The following ME3 variants were observed in gnomAD, a reference collection of about 807,000 sequenced individuals.
The protein encoded by ME3 is NADP-dependent malic enzyme, mitochondrial.
ME3 carries 48 observed loss-of-function variants against 68.9 expected under a neutral mutation model. The ratio of observed to expected loss-of-function variants is 0.70; its 90% CI spans 0.55 to 0.89. ME3 has a LOEUF of 0.89. ME3 is among the 40% of genes least tolerant of loss of function. ME3 has a pLI of 0.00. For synonymous variants in ME3, 320 were observed against 318.8 expected (o/e 1.00, Z -0.04); for missense variants, 675 against 797.4 (o/e 0.85, Z 1.85).
chr11:86,662,149 A>C (rs1442765838), intron 2 of ME3, among the ~76,000 whole-genome samples: 2 of 152,236 alleles, frequency 1.3e-5, no homozygotes, highest in Non-Finnish European at 2.9e-5. Flanking sequence ...ACAGCACATC[A>C]GACTTCATGC....
chr11:86,513,546 C>T (rs777589180), intron 4 of ME3, among the ~76,000 whole-genome samples: 1 of 152,204 alleles, frequency 6.6e-6, no homozygotes, highest in Non-Finnish European at 1.5e-5. Context: ...GAGTCCGATG[C>T]ACTTTCCACT....
intron 2 of ME3, among the ~76,000 whole-genome samples, chr11:86,641,312 G>T (rs1944660612): frequency 6.6e-6 from 1 of 152,158 alleles, no homozygotes. Flanking sequence ...CACAGAAAAG[G>T]TTATTTGACC....
intron 2 of ME3, among the ~76,000 whole-genome samples, chr11:86,589,948 A>C (rs753830761): frequency 1.3e-5 from 2 of 151,996 alleles, no homozygotes; most frequent in Non-Finnish European, 2.9e-5. Flanking sequence ...GGGGTGTGGG[A>C]CTTTTGAGGT....
chr11:86,650,963 G>A lies in ME3; in HGVS notation c.183+20799C>T, dbSNP rs113543898. ...GGAGATTGTATCCCTCACCTGGTTC[G>A]GAGGGTCCTACGCCCACAGAGCCTC... On this transcript the variant is annotated intron_variant, in intron 2 of 14. Coordinates refer to ENST00000543262, the Ensembl canonical transcript of ME3. Among the ~76,000 whole-genome samples the A allele has an allele frequency of 9.9e-3, 1,512 of 152,336 alleles. 32 individuals carry two copies. Among genetic ancestry groups the A allele is most frequent in the African/African-American group, 0.032 (1,348 of 41,572 alleles).
intron 10 of ME3, 119 bp downstream of exon 10, chr11:86,449,770 T>C (rs1030652696): frequency 1.4e-6 from 1 of 703,910 alleles, no homozygotes; most frequent in Non-Finnish European, 2.4e-6. Context: ...GCTTAGGCCA[T>C]TGCCCTCATT....
chr11:86,642,485 G>C (rs1325211702), intron 2 of ME3, among the ~76,000 whole-genome samples: 1 of 152,138 alleles, frequency 6.6e-6, no homozygotes, highest in East Asian at 1.9e-4. Flanking sequence ...TATGAAAACA[G>C]AACAAGAACA....
intron 6 of ME3, among the ~76,000 whole-genome samples, chr11:86,490,272 A>C (rs1951919977): frequency 6.6e-6 from 1 of 152,078 alleles, no homozygotes; most frequent in African/African-American, 2.4e-5. Context: ...TTACATTTAG[A>C]AAGATGGTGG....
At chr11:86,468,990 C>G (rs1362790281) in intron 7 of ME3, among the ~76,000 whole-genome samples, 24 of 152,000 alleles carry the variant, frequency 1.6e-4, no homozygotes. Context: ...AGTGGTGGAG[C>G]TGGAATTTAA....
chr11:86,574,017 G>A (rs1438652720), intron 2 of ME3, among the ~76,000 whole-genome samples: 1 of 152,172 alleles, frequency 6.6e-6, no homozygotes, highest in Non-Finnish European at 1.5e-5. Flanking sequence ...TTGATGTGCT[G>A]CTGGATTCAG....
chr11:86,644,526 A>AT (rs1944877811), intron 2 of ME3, among the ~76,000 whole-genome samples: 1 of 152,028 alleles, frequency 6.6e-6, no homozygotes, highest in Non-Finnish European at 1.5e-5. Context: ...TAGACTGCCT[A>AT]TTGTCAGCTC....
chr11:86,440,640 T>A (rs1256325187), downstream of ME3, among the ~76,000 whole-genome samples: 1 of 152,196 alleles, frequency 6.6e-6, no homozygotes, highest in Non-Finnish European at 1.5e-5. Flanking sequence ...ACCTGAATAG[T>A]TAGCGAGCTG....
At chr11:86,574,579 T>C (rs1957991073) in intron 2 of ME3, among the ~76,000 whole-genome samples, 1 of 152,226 alleles carries the variant, frequency 6.6e-6, no homozygotes, top group Non-Finnish European at 1.5e-5. Context: ...TCAGCAAAGA[T>C]TGCTGCCTGC....
rs991887305 is a variant in ME3, at chr11:86,619,557, G to A, written c.183+52205C>T. The stretch of plus-strand genomic sequence containing the variant: ...GAGGGGTTTCCCCCATACTGTTCTA[G>A]TGGTGGTGAATAAGTCTCATGAGAT... On this transcript the variant is annotated intron_variant, in intron 2 of 14. Transcript: ENST00000543262. Among the ~76,000 whole-genome samples the A allele has an allele frequency of 9.9e-5, 15 of 152,204 alleles. 1 individual carries two copies. Among genetic ancestry groups the A allele is most frequent in the African/African-American group, 3.1e-4 (13 of 41,452 alleles).
Position 86,658,782 on chromosome 11 carries a change from A to G in ME3, c.183+12980T>C, listed in dbSNP as rs138156913. On this transcript the variant is annotated intron_variant, in intron 2 of 14. Coordinates refer to ENST00000543262, the Ensembl canonical transcript of ME3. ...ACAAGCATGGCTAGGCTCCTCAGACATGAGGAGAAGCTGCTGCCAGCTCTG... is the reference window on the plus strand; with the variant it reads ...ACAAGCATGGCTAGGCTCCTCAGACGTGAGGAGAAGCTGCTGCCAGCTCTG... Among the ~76,000 whole-genome samples, 1,338 of 152,198 alleles carry G rather than the reference A, an allele frequency of 8.8e-3. 27 individuals are homozygous for G. The highest frequency in any genetic ancestry group is 0.03 in the African/African-American group (1,252 of 41,542).
intron 13 of ME3, among the ~76,000 whole-genome samples, chr11:86,443,549 C>G (rs1949122966): frequency 6.6e-6 from 1 of 152,252 alleles, no homozygotes; most frequent in African/African-American, 2.4e-5. Flanking sequence ...ATCCTCCAGG[C>G]TCAGATGCTG....
intron 4 of ME3, among the ~76,000 whole-genome samples, chr11:86,533,268 G>GA (rs1320012901): frequency 1.3e-5 from 2 of 151,618 alleles, no homozygotes; most frequent in Non-Finnish European, 2.9e-5. Flanking sequence ...GCTATACTAT[G>GA]AAAAAAAGAG....
chr11:86,640,563 T>C (rs2135378054), intron 2 of ME3, among the ~76,000 whole-genome samples: 1 of 152,358 alleles, frequency 6.6e-6, no homozygotes, highest in South Asian at 2.1e-4. Flanking sequence ...GGTTGTTTTC[T>C]TAAGGAGCTG....
At chr11:86,475,851 G>GTATATATATATA (rs68158647) in intron 7 of ME3, among the ~76,000 whole-genome samples, 24 of 114,626 alleles carry the variant, frequency 2.1e-4, no homozygotes, top group East Asian at 4.6e-4. Flanking sequence ...CTAATATTCA[G>GTATATATATATA]TATATATATA....
chr11:86,539,447 C>T (rs559888524), intron 4 of ME3, among the ~76,000 whole-genome samples: 1 of 152,302 alleles, frequency 6.6e-6, no homozygotes, highest in South Asian at 2.1e-4. Context: ...GAATTGTTCT[C>T]AGTTGAGCTG....
Sources: gnomAD v4.1 joint callset for allele counts (sites outside exome capture counted in the v4.1 genomes callset) on GRCh38, gnomAD v4.1.1 for gene constraint, MANE v1.5 for transcripts, NCBI Gene and HGNC (gene_info 2026-07-23, HGNC 2026-07-21) for gene names.